PGM5: variants seen among roughly 807,000 people sequenced by gnomAD.
The protein encoded by PGM5 is phosphoglucomutase-like protein 5.
Under a neutral mutation model 59.2 loss-of-function variants are expected in PGM5, and 23 were observed. The observed-to-expected ratio is 0.39, with a 90% CI of 0.28 to 0.55. PGM5 has a LOEUF of 0.55. Among genes scored for constraint, PGM5 ranks in the 20% least tolerant of loss-of-function variants. The pLI is 0.66. For synonymous variants in PGM5, 214 were observed against 286.0 expected (o/e 0.75, Z 2.54); for missense variants, 574 against 748.3 (o/e 0.77, Z 2.72).
At chr9:68,435,267 A>G (rs1823426667) in intron 6 of PGM5, among the ~76,000 whole-genome samples, 2 of 152,224 alleles carry the variant, frequency 1.3e-5, no homozygotes, top group African/African-American at 4.8e-5. Context: ...CTTTATTGAG[A>G]TATAATTCAC....
At chr9:68,448,126 C>T (rs1823643336) in intron 6 of PGM5, among the ~76,000 whole-genome samples, 1 of 152,166 alleles carries the variant, frequency 6.6e-6, no homozygotes, top group South Asian at 2.1e-4. Flanking sequence ...TTGTCTTCTC[C>T]AGTAGCTTCT....
chr9:68,434,859 A>G (rs1201489612), intron 6 of PGM5, among the ~76,000 whole-genome samples: 2 of 152,170 alleles, frequency 1.3e-5, no homozygotes, highest in Non-Finnish European at 2.9e-5. Flanking sequence ...ACCACATATA[A>G]ATTATTCCTA....
intron 1 of PGM5, among the ~76,000 whole-genome samples, chr9:68,370,177 T>C (rs1340289412): frequency 6.6e-6 from 1 of 152,230 alleles, no homozygotes; most frequent in Non-Finnish European, 1.5e-5. Flanking sequence ...AAGTTTCTGT[T>C]CATTGTGTCT....
At chr9:68,424,229 T>C (rs534963247) in intron 6 of PGM5, among the ~76,000 whole-genome samples, 7 of 152,322 alleles carry the variant, frequency 4.6e-5, no homozygotes, top group African/African-American at 1.4e-4. Flanking sequence ...ACACCCTTTG[T>C]CTTAGTCTGT....
At chr9:68,365,173 T>A (rs1834656326) in intron 1 of PGM5, among the ~76,000 whole-genome samples, 1 of 141,692 alleles carries the variant, frequency 7.1e-6, no homozygotes, top group South Asian at 2.4e-4. Flanking sequence ...GATACCCTTC[T>A]GTTAGACAAC....
At chr9:68,435,898 C>T (rs1823434952) in intron 6 of PGM5, among the ~76,000 whole-genome samples, 1 of 152,158 alleles carries the variant, frequency 6.6e-6, no homozygotes, top group African/African-American at 2.4e-5. Context: ...TGCCACAGTA[C>T]CTGGCATTCT....
chr9:68,461,559 T>TTTA (rs2132076977), intron 6 of PGM5, among the ~76,000 whole-genome samples: 1 of 152,196 alleles, frequency 6.6e-6, no homozygotes, highest in East Asian at 1.9e-4. Flanking sequence ...CTTTAAGAGG[T>TTTA]GTTCAGGCCA....
intron 6 of PGM5, among the ~76,000 whole-genome samples, chr9:68,456,557 G>A (rs1300918919): frequency 6.7e-6 from 1 of 149,246 alleles, no homozygotes; most frequent in Non-Finnish European, 1.5e-5. Flanking sequence ...CTGACGTCAT[G>A]AGCCGCCCGC....
At chr9:68,506,958 T>A (rs2132110361) in intron 10 of PGM5, among the ~76,000 whole-genome samples, 1 of 152,256 alleles carries the variant, frequency 6.6e-6, no homozygotes, top group East Asian at 1.9e-4. Context: ...AAATTATATT[T>A]CCTCTCCTTA....
chr9:68,482,831 T>C (rs1462356211), intron 8 of PGM5, among the ~76,000 whole-genome samples: 1 of 152,288 alleles, frequency 6.6e-6, no homozygotes, highest in Non-Finnish European at 1.5e-5. Context: ...TGCCTGGCAC[T>C]GTGCCAACTC....
intron 9 of PGM5, among the ~76,000 whole-genome samples, chr9:68,487,372 C>A (rs1587209888): frequency 6.6e-6 from 1 of 151,786 alleles, no homozygotes; most frequent in Non-Finnish European, 1.5e-5. Context: ...CAGTTCCCTC[C>A]CCTTGACCAG....
chr9:68,365,889 T>C (rs1834670036), intron 1 of PGM5, among the ~76,000 whole-genome samples: 1 of 152,174 alleles, frequency 6.6e-6, no homozygotes, highest in South Asian at 2.1e-4. Context: ...AAATATTTAA[T>C]ATCTATGACA....
intron 1 of PGM5, among the ~76,000 whole-genome samples, chr9:68,376,281 T>TATA (rs1434056152): frequency 2.6e-5 from 4 of 152,328 alleles, no homozygotes; most frequent in Admixed American, 6.5e-5. Flanking sequence ...CTATTATTAT[T>TATA]ATATTATTAT....
intron 10 of PGM5, among the ~76,000 whole-genome samples, chr9:68,512,600 G>A (rs1004753938): frequency 5.9e-5 from 9 of 152,076 alleles, no homozygotes; most frequent in African/African-American, 1.9e-4. Context: ...CTTCCTTCTT[G>A]TGTGTCTCTG....
chr9:68,452,082 TG>T (rs1823705725), intron 6 of PGM5, among the ~76,000 whole-genome samples: 1 of 152,226 alleles, frequency 6.6e-6, no homozygotes, highest in Non-Finnish European at 1.5e-5. Flanking sequence ...GTATTCCTCC[TG>T]CTCCATTCAC....
chr9:68,371,452 T>C (rs1284860294), intron 1 of PGM5, among the ~76,000 whole-genome samples: 1 of 152,184 alleles, frequency 6.6e-6, no homozygotes, highest in Non-Finnish European at 1.5e-5. Flanking sequence ...TAAGGGATAA[T>C]CTGCTATCTA....
chr9:68,400,503 C>A (rs1211476175), intron 6 of PGM5: 7 of 152,466 alleles, frequency 4.6e-5, no homozygotes, highest in Non-Finnish European at 1.0e-4. Context: ...TCAGTAAGTC[C>A]TTTGATACCA....
At chr9:68,460,173 G>GT (rs561197273) in intron 6 of PGM5, among the ~76,000 whole-genome samples, 1 of 152,236 alleles carries the variant, frequency 6.6e-6, no homozygotes, top group Non-Finnish European at 1.5e-5. Context: ...ATCAGTCTGT[G>GT]TTTTTTTGGC....
At chr9:68,498,112 C>G (rs527876915) in intron 9 of PGM5, 2 of 152,348 alleles carry the variant, frequency 1.3e-5, no homozygotes, top group South Asian at 4.1e-4. Context: ...AAGCTGGGAA[C>G]TGGGTCACGC....
Sources: allele counts gnomAD v4.1 joint callset (sites outside exome capture counted in the v4.1 genomes callset), GRCh38; gene constraint gnomAD v4.1.1; transcripts MANE v1.5; gene names NCBI Gene and HGNC (gene_info 2026-07-23, HGNC 2026-07-21).